The following KIAA1217 variants were observed in gnomAD, a reference collection of about 807,000 sequenced individuals.
KIAA1217 encodes the protein KIAA1217, also known as sickle tail protein homolog.
KIAA1217 carries 88 observed loss-of-function variants against 163.9 expected under a neutral mutation model. That is an observed-to-expected ratio of 0.54 (90% CI 0.45 to 0.64). The LOEUF is 0.64. KIAA1217 is among the 30% of genes least tolerant of loss of function. The pLI is 0.00. For missense variants in KIAA1217, 2,372 were observed against 2,475.0 expected, an observed-to-expected ratio of 0.96 and a Z score of 0.88; for synonymous variants, 903 against 923.1, an observed-to-expected ratio of 0.98 and a Z score of 0.39.
chr10:24,056,339 CA>C (rs1463359377), intron 2 of KIAA1217, among the ~76,000 whole-genome samples: 1 of 151,860 alleles, frequency 6.6e-6, no homozygotes, highest in African/African-American at 2.4e-5. Flanking sequence ...AAAAAACAAA[CA>C]AAAAGAAACA....
chr10:24,224,156 G>A (rs959748800), intron 2 of KIAA1217, among the ~76,000 whole-genome samples: 1 of 152,092 alleles, frequency 6.6e-6, no homozygotes, highest in African/African-American at 2.4e-5. Flanking sequence ...CATAATAGTA[G>A]CTGTGATCGT....
At chr10:23,806,299 C>A (rs1032830344) in intron 1 of KIAA1217, among the ~76,000 whole-genome samples, 1 of 151,898 alleles carries the variant, frequency 6.6e-6, no homozygotes, top group Non-Finnish European at 1.5e-5. Flanking sequence ...ATATTTAAGA[C>A]CAAATTAAAA....
At chr10:23,817,994 TATATATATATATATAC>T (rs1564447758) in intron 1 of KIAA1217, among the ~76,000 whole-genome samples, 10 of 116,868 alleles carry the variant, frequency 8.6e-5, no homozygotes, top group African/African-American at 4.0e-4. Context: ...TATATATATA[TATATATATATATATAC>T]ACACATATAT....
intron 2 of KIAA1217, among the ~76,000 whole-genome samples, chr10:24,321,939 CATTTTATTTT>C (rs752613228): frequency 7.2e-5 from 11 of 151,916 alleles, no homozygotes; most frequent in African/African-American, 2.7e-4. Flanking sequence ...ATTTTACTGA[CATTTTATTTT>C]ATTTTATTTT....
intron 1 of KIAA1217, among the ~76,000 whole-genome samples, chr10:23,969,790 A>G (rs1236093543): frequency 6.6e-6 from 1 of 152,178 alleles, no homozygotes; most frequent in Non-Finnish European, 1.5e-5. Context: ...TTTCTGTTGA[A>G]GTTCAATTGT....
chr10:23,962,666 T>C (rs1844867963), intron 1 of KIAA1217, among the ~76,000 whole-genome samples: 1 of 152,214 alleles, frequency 6.6e-6, no homozygotes, highest in South Asian at 2.1e-4. Context: ...ATATAAAATA[T>C]TCTGATTCCA....
At chr10:24,056,728 T>C (rs1012037837) in intron 2 of KIAA1217, among the ~76,000 whole-genome samples, 4 of 151,932 alleles carry the variant, frequency 2.6e-5, no homozygotes, top group Admixed American at 1.3e-4. Context: ...TGACCATGAG[T>C]AAGAGGCAGG....
intron 1 of KIAA1217, among the ~76,000 whole-genome samples, chr10:23,971,719 G>T (rs1486210056): frequency 6.6e-6 from 1 of 152,042 alleles, no homozygotes; most frequent in Non-Finnish European, 1.5e-5. Context: ...ATCTCTTGTG[G>T]GGAAAATCTA....
rs546673168 is a variant in KIAA1217, at chr10:23,795,057, G to A, written c.-321+99823G>A. 2.6e-5 allele frequency among the ~76,000 whole-genome samples: 4 copies of A among 152,314 alleles called. No homozygotes were observed. In the South Asian group the frequency reaches 8.3e-4, roughly 32 times the overall value. ...CTCCTGGGTGTGTGTGACAGTTTCA[G>A]CCTGCCTCAGCCTGGCCACAGAATA... On this transcript the variant is annotated intron_variant, in intron 1 of 18. Transcript: ENST00000376462.
At chr10:23,782,644 G>A (rs1835310298) in intron 1 of KIAA1217, among the ~76,000 whole-genome samples, 1 of 152,116 alleles carries the variant, frequency 6.6e-6, no homozygotes. Flanking sequence ...TGTTGGCCAG[G>A]CTGGTCTGGA....
chr10:23,870,467 C>T (rs1394834982), intron 1 of KIAA1217, among the ~76,000 whole-genome samples: 6 of 152,020 alleles, frequency 3.9e-5, no homozygotes, highest in Middle Eastern at 3.2e-3. Context: ...TTTCACCAAA[C>T]ACACACACTT....
In KIAA1217 at chr10:23,864,360, G is replaced by C. The variant is rs918034202; in HGVS notation, c.-320-142865G>C. The stretch of plus-strand genomic sequence containing the variant: ...TAATGTTCCTTAGCCTGGTATGAAA[G>C]ACCCTTCAGTATCTTCTCTCAATTG... On this transcript the variant is annotated intron_variant, in intron 1 of 18. Coordinates refer to the KIAA1217 transcript ENST00000376462. Among the ~76,000 whole-genome samples the C allele has an allele frequency of 2.0e-5, 3 of 152,114 alleles. No homozygotes were observed. In the South Asian group the frequency reaches 6.2e-4, roughly 32 times the overall value.
At chr10:23,911,130 A>G (rs2131269114) in intron 1 of KIAA1217, among the ~76,000 whole-genome samples, 1 of 152,268 alleles carries the variant, frequency 6.6e-6, no homozygotes, top group Non-Finnish European at 1.5e-5. Context: ...CCCAATTTTA[A>G]AGGCTAAAAT....
intron 2 of KIAA1217, among the ~76,000 whole-genome samples, chr10:24,191,638 C>A (rs1293215872): frequency 6.6e-6 from 1 of 152,008 alleles, no homozygotes; most frequent in Non-Finnish European, 1.5e-5. Context: ...AAAAGCAACC[C>A]AGAATAGGAT....
chr10:24,264,024 T>C (rs1030871344), intron 2 of KIAA1217, among the ~76,000 whole-genome samples: 2 of 152,046 alleles, frequency 1.3e-5, no homozygotes, highest in Non-Finnish European at 1.5e-5. Flanking sequence ...CACCAAGCTA[T>C]TTTTTGTATT....
chr10:24,439,424 T>G (rs2060308385), intron 5 of KIAA1217, among the ~76,000 whole-genome samples: 1 of 152,182 alleles, frequency 6.6e-6, no homozygotes, highest in Admixed American at 6.6e-5. Context: ...CACTGTTCTG[T>G]CTTGGAGCTG....
intron 1 of KIAA1217, among the ~76,000 whole-genome samples, chr10:23,935,579 T>C (rs1275986182): frequency 6.6e-6 from 1 of 152,048 alleles, no homozygotes; most frequent in African/African-American, 2.4e-5. Flanking sequence ...AACAAAAACA[T>C]GAAACACTTG....
intron 2 of KIAA1217, among the ~76,000 whole-genome samples, chr10:24,368,530 A>G (rs1161417550): frequency 6.6e-6 from 1 of 152,172 alleles, no homozygotes; most frequent in African/African-American, 2.4e-5. Flanking sequence ...GGCATTTACA[A>G]GCATTTTAAA....
intron 2 of KIAA1217, among the ~76,000 whole-genome samples, chr10:24,192,695 CT>C (rs1260046443): frequency 6.6e-6 from 1 of 152,254 alleles, no homozygotes; most frequent in Non-Finnish European, 1.5e-5. Context: ...CCAATTCACT[CT>C]GCATGTGTGA....
Sources: gnomAD v4.1 joint callset for allele counts (sites outside exome capture counted in the v4.1 genomes callset) on GRCh38, gnomAD v4.1.1 for gene constraint, MANE v1.5 for transcripts, NCBI Gene and HGNC (gene_info 2026-07-23, HGNC 2026-07-21) for gene names.